The following CFAP20DC variants were observed in gnomAD, a reference collection of about 807,000 sequenced individuals.
CFAP20DC encodes the protein CFAP20 domain containing, also known as protein CFAP20DC.
Under a neutral mutation model 101.7 loss-of-function variants are expected in CFAP20DC, and 84 were observed. The ratio of observed to expected loss-of-function variants is 0.83; its 90% confidence interval spans 0.69 to 0.99. The LOEUF is 0.99. Among genes scored for constraint, CFAP20DC ranks in the 50% least tolerant of loss-of-function variants. The probability of loss-of-function intolerance (pLI) is 0.00; values close to 1 mark genes in which losing one functional copy is unlikely to be tolerated. For synonymous variants in CFAP20DC, 359 were observed against 351.2 expected, an observed-to-expected ratio of 1.02 and a Z score of -0.25; for missense variants, 1,007 against 970.3, an observed-to-expected ratio of 1.04 and a Z score of -0.50.
chr3:58,979,097 C>T (rs1382802665), intron 4 of CFAP20DC, among the ~76,000 whole-genome samples: 4 of 152,146 alleles, frequency 2.6e-5, no homozygotes, highest in Non-Finnish European at 5.9e-5. Context: ...TCTTTGCAGC[C>T]AAGGTCATGA....
chr3:58,871,049 C>G (rs2080163797), intron 7 of CFAP20DC, among the ~76,000 whole-genome samples: 1 of 151,978 alleles, frequency 6.6e-6, no homozygotes. Flanking sequence ...TTCCTAGAGG[C>G]CGTCAGTGAC....
At chr3:58,776,758 T>C (rs1559575202) in intron 15 of CFAP20DC, among the ~76,000 whole-genome samples, 1 of 151,668 alleles carries the variant, frequency 6.6e-6, no homozygotes, top group African/African-American at 2.4e-5. Flanking sequence ...CTTAAGAGGA[T>C]TGAGGGAAAA....
At chr3:58,862,549 T>A in intron 12 of CFAP20DC, 1 of 985,378 alleles carries the variant, frequency 1.0e-6, no homozygotes. Flanking sequence ...AGAAACTCAT[T>A]AAAAGTTGAA....
intron 13 of CFAP20DC, among the ~76,000 whole-genome samples, chr3:58,841,123 C>T (rs1294242601): frequency 6.6e-6 from 1 of 152,224 alleles, no homozygotes; most frequent in African/African-American, 2.4e-5. Flanking sequence ...GGGAGAACCA[C>T]CCCTAAGTGA....
chr3:58,835,370 T>C (rs545800364), intron 13 of CFAP20DC, among the ~76,000 whole-genome samples: 5 of 152,196 alleles, frequency 3.3e-5, no homozygotes, highest in Non-Finnish European at 5.9e-5. Flanking sequence ...ATTAAATTTG[T>C]TGACAAATGG....
At chr3:58,723,441 G>A (rs2067500545) in intron 3 of CFAP20DC, among the ~76,000 whole-genome samples, 1 of 152,192 alleles carries the variant, frequency 6.6e-6, no homozygotes, top group Non-Finnish European at 1.5e-5. Context: ...TAAGATGAAA[G>A]AACACATAAG....
At chr3:58,936,884 T>C (rs1475826084) in intron 5 of CFAP20DC, among the ~76,000 whole-genome samples, 1 of 151,266 alleles carries the variant, frequency 6.6e-6, no homozygotes, top group East Asian at 2.0e-4. Flanking sequence ...GTAACTAACC[T>C]GCACATTGTG....
At chr3:58,932,617 T>A (rs1428779285) in intron 5 of CFAP20DC, among the ~76,000 whole-genome samples, 1 of 152,130 alleles carries the variant, frequency 6.6e-6, no homozygotes, top group Non-Finnish European at 1.5e-5. Context: ...GGGGCCAATA[T>A]TCAACATTCT....
intron 15 of CFAP20DC, among the ~76,000 whole-genome samples, chr3:58,757,241 A>C (rs757138287): frequency 3.9e-5 from 6 of 152,042 alleles, no homozygotes; most frequent in Non-Finnish European, 7.4e-5. Flanking sequence ...TGAATATTTT[A>C]ATGCTTTCTG....
rs190404361 is a variant in CFAP20DC at position 58,921,502 on chromosome 3, T to C, written c.394-7638A>G. 3.9e-4 allele frequency among the ~76,000 whole-genome samples: 59 copies of C among 152,300 alleles called. No individual in the cohort carries two copies. The East Asian group carries it at 0.011, about 27-fold the overall frequency. On this transcript the variant is annotated intron_variant, in intron 5 of 16. Coordinates refer to ENST00000482387, the MANE Select transcript of CFAP20DC (RefSeq NM_001394063.1). The stretch of plus-strand genomic sequence containing the variant: ...ATTCTAATTTTTTTTTACATATAGA[T>C]GACTTAGAAGTATGTTACTTTATTT...
chr3:58,789,666 A>G (rs2072684380), intron 15 of CFAP20DC, among the ~76,000 whole-genome samples: 1 of 152,204 alleles, frequency 6.6e-6, no homozygotes, highest in Admixed American at 6.5e-5. Context: ...GTAACACTTC[A>G]GTTAATGAAA....
chr3:58,824,594 T>C (rs757605761), intron 14 of CFAP20DC: 3 of 152,140 alleles, frequency 2.0e-5, no homozygotes, highest in Admixed American at 1.3e-4. Flanking sequence ...AATATTTTTA[T>C]GTTGTTATGT....
chr3:58,940,683 A>G (rs150911908), intron 4 of CFAP20DC, among the ~76,000 whole-genome samples: 99 of 152,334 alleles, frequency 6.5e-4, no homozygotes, highest in African/African-American at 2.2e-3. Flanking sequence ...TATCTTGATT[A>G]CTGTAGATTT....
rs577362084 is a variant in CFAP20DC at position 59,015,912 on chromosome 3, A to G, written c.278+23645T>C. 5.3e-5 allele frequency among the ~76,000 whole-genome samples: 8 copies of G among 152,242 alleles called. No individual in the cohort carries two copies. Among genetic ancestry groups the G allele is most frequent in the Non-Finnish European group, 7.4e-5 (5 of 67,988 alleles). Reference sequence around the variant, plus strand: ...TCTTTTGAAGCAATGGGCGAGGAACATATGGCCACATTTCCATATCTAAGC... The same window carrying G: ...TCTTTTGAAGCAATGGGCGAGGAACGTATGGCCACATTTCCATATCTAAGC... On this transcript the variant is annotated intron_variant, in intron 4 of 16. Coordinates refer to ENST00000482387, the MANE Select transcript of CFAP20DC (RefSeq NM_001394063.1). The surrounding 1 kb of genome is among the most constrained non-coding windows in gnomAD (Gnocchi z 5.4).
intron 3 of CFAP20DC, among the ~76,000 whole-genome samples, chr3:59,045,666 T>C (rs896450121): frequency 2.6e-5 from 4 of 152,150 alleles, no homozygotes; most frequent in African/African-American, 9.6e-5. Flanking sequence ...TCTATGGGTC[T>C]TTGTTAAATC....
At chr3:58,818,073 C>T (rs369622275) in intron 14 of CFAP20DC, among the ~76,000 whole-genome samples, 13 of 150,346 alleles carry the variant, frequency 8.6e-5, no homozygotes, top group Admixed American at 1.3e-4. Context: ...TAAAATACTT[C>T]ACAGACAAGC....
chr3:58,749,136 A>G (rs2068398287), intron 16 of CFAP20DC, among the ~76,000 whole-genome samples: 1 of 152,202 alleles, frequency 6.6e-6, no homozygotes, highest in Non-Finnish European at 1.5e-5. Context: ...AGATCAAATC[A>G]TTCTCATATT....
rs2082542426 is a variant in CFAP20DC at position 58,894,871 on chromosome 3, A to C, written c.551-10162T>G. ...TCAAGGTGGAGGTTCCCAAACCTCAATTCTTGACTTCTGTGCACTTGCAGG... is the reference window on the plus strand; with the variant it reads ...TCAAGGTGGAGGTTCCCAAACCTCACTTCTTGACTTCTGTGCACTTGCAGG... On this transcript the variant is annotated intron_variant, in intron 6 of 16. Transcript: ENST00000482387. This position sits in a 1 kb window ranked among gnomAD's most constrained non-coding sequence, Gnocchi z 4.1. Among the ~76,000 whole-genome samples, 1 of 152,238 alleles carries C rather than the reference A, an allele frequency of 6.6e-6. No homozygotes were observed. The highest frequency in any genetic ancestry group is 1.5e-5 in the Non-Finnish European group (1 of 68,040).
At chr3:58,949,011 G>A (rs2089734346) in intron 4 of CFAP20DC, among the ~76,000 whole-genome samples, 1 of 152,140 alleles carries the variant, frequency 6.6e-6, no homozygotes, top group Non-Finnish European at 1.5e-5. Flanking sequence ...TCCTGGTTTA[G>A]TCTTGGGAGG....
Sources: allele counts gnomAD v4.1 joint callset (sites outside exome capture counted in the v4.1 genomes callset), GRCh38; gene constraint gnomAD v4.1.1; non-coding constraint Gnocchi (gnomAD v3.1); transcripts MANE v1.5; gene names NCBI Gene and HGNC (gene_info 2026-07-23, HGNC 2026-07-21).